The following CRISPLD2 variants were observed in gnomAD, a reference collection of about 807,000 sequenced individuals.
CRISPLD2 encodes the protein cysteine rich secretory protein LCCL domain containing 2.
In CRISPLD2, 47 loss-of-function variants were observed where a neutral mutation model predicts 71.1. That is an observed-to-expected ratio of 0.66 (90% CI 0.52 to 0.84). The LOEUF is 0.84. Among genes scored for constraint, CRISPLD2 ranks in the 40% least tolerant of loss-of-function variants. The pLI is 0.00. For missense variants in CRISPLD2, 830 were observed against 651.1 expected (o/e 1.27, Z -2.99); for synonymous variants, 317 against 250.1 (o/e 1.27, Z -2.52).
At chr16:84,893,543 A>T (rs1197017048) in intron 14 of CRISPLD2, among the ~76,000 whole-genome samples, 1 of 152,214 alleles carries the variant, frequency 6.6e-6, no homozygotes, top group Admixed American at 6.5e-5. Flanking sequence ...AGGGAGCACA[A>T]CAGCAGACCT....
At chr16:84,854,706 G>A (rs776322753) in intron 5 of CRISPLD2, 23 bp from the exon 6 acceptor site, 2 of 1,594,316 alleles carry the variant, frequency 1.3e-6, no homozygotes, top group Middle Eastern at 1.7e-4. Context: ...CCCTCTGACG[G>A]TTGTTTTTGG....
At position 84,866,975 on chromosome 16, in the gene CRISPLD2, T is replaced by A. The variant is rs113926835; in HGVS notation, c.788T>A (p.Val263Asp). 115 of 1,614,090 alleles carry A rather than the reference T, an allele frequency of 7.1e-5. 4 individuals are homozygous for A. In the African/African-American group the frequency reaches 8.4e-4, roughly 12 times the overall value. ...GCTCCCATTCCTGAAGAAAACCATGTTTGGCTCCAACCGAGGGTGATGAGA... is the reference window on the plus strand; with the variant it reads ...GCTCCCATTCCTGAAGAAAACCATGATTGGCTCCAACCGAGGGTGATGAGA... ...ETAPIPEENH[V>D]WLQPRVMRPT... The change falls in exon 7 of 15, where the codon GTT becomes GAT. Residue 263 changes from valine to aspartate, a missense_variant. Physicochemically the swap from Val to Asp is radical, Grantham distance 152. Coordinates refer to ENST00000262424, the MANE Select transcript of CRISPLD2 (RefSeq NM_031476.4).
At chr16:84,822,153 G>C (rs1916244688) in intron 1 of CRISPLD2, among the ~76,000 whole-genome samples, 3 of 152,216 alleles carry the variant, frequency 2.0e-5, no homozygotes, top group Admixed American at 1.3e-4. Flanking sequence ...CTGACCCTGG[G>C]CTTGGGCTCA....
At chr16:84,892,975 CAAAAAAAAAAAAA>C (rs35939092) in intron 14 of CRISPLD2, among the ~76,000 whole-genome samples, 1 of 64,946 alleles carries the variant, frequency 1.5e-5, no homozygotes, top group Non-Finnish European at 3.0e-5. Flanking sequence ...GACTCCATCT[CAAAAAAAAAAAAA>C]AAAAAAAAAA....
intron 14 of CRISPLD2, among the ~76,000 whole-genome samples, chr16:84,901,723 C>T (rs1047351165): frequency 1.3e-5 from 2 of 150,648 alleles, no homozygotes; most frequent in Non-Finnish European, 2.9e-5. Context: ...AGTGATCCAC[C>T]TGCCTCAACC....
chr16:84,889,492 C>CT, intron 14 of CRISPLD2, 129 bp downstream of exon 14: 5 of 870,708 alleles, frequency 5.7e-6, no homozygotes, highest in South Asian at 2.8e-5. Flanking sequence ...GAATTCTTAC[C>CT]AGGACTCCCA....
chr16:84,825,556 G>A (rs531715577), intron 1 of CRISPLD2, among the ~76,000 whole-genome samples: 1 of 152,248 alleles, frequency 6.6e-6, no homozygotes, highest in East Asian at 1.9e-4. Context: ...AGGAGTTCGA[G>A]ACCAGCCTGG....
At chr16:84,882,368 A>AT (rs752909509) in intron 13 of CRISPLD2, among the ~76,000 whole-genome samples, 4 of 119,764 alleles carry the variant, frequency 3.3e-5, no homozygotes, top group South Asian at 2.5e-4. Flanking sequence ...AAAAAAAAAA[A>AT]AAAGCAAGAA....
intron 1 of CRISPLD2, among the ~76,000 whole-genome samples, chr16:84,831,785 A>G (rs1916494634): frequency 6.6e-6 from 1 of 152,160 alleles, no homozygotes; most frequent in Non-Finnish European, 1.5e-5. Flanking sequence ...CCCAGGCGGG[A>G]GTGCAGAGGC....
chr16:84,901,901 C>A (rs1438979775), intron 14 of CRISPLD2, among the ~76,000 whole-genome samples: 3 of 146,074 alleles, frequency 2.1e-5, no homozygotes, highest in African/African-American at 7.7e-5. Flanking sequence ...TCAAATGATT[C>A]TCCTGCCTCA....
intron 5 of CRISPLD2, among the ~76,000 whole-genome samples, chr16:84,853,224 G>A (rs915730047): frequency 1.3e-5 from 2 of 152,212 alleles, no homozygotes; most frequent in African/African-American, 4.8e-5. Flanking sequence ...GGCAGGGGCA[G>A]TGGGACGTAC....
At chr16:84,901,567 A>G (rs1204435757) in intron 14 of CRISPLD2, among the ~76,000 whole-genome samples, 11 of 130,416 alleles carry the variant, frequency 8.4e-5, no homozygotes, top group East Asian at 4.7e-4. Flanking sequence ...CACCTCCTGG[A>G]TTCAAATTAT....
At chr16:84,864,932 C>G (rs1385383539) in intron 6 of CRISPLD2, among the ~76,000 whole-genome samples, 1 of 152,140 alleles carries the variant, frequency 6.6e-6, no homozygotes, top group Non-Finnish European at 1.5e-5. Flanking sequence ...TGGGACAGGA[C>G]CAGCCTGGGG....
chr16:84,870,406 G>A (rs543003575), intron 8 of CRISPLD2, among the ~76,000 whole-genome samples: 2 of 151,212 alleles, frequency 1.3e-5, no homozygotes, highest in Non-Finnish European at 2.9e-5. Context: ...TGCCACCTCT[G>A]CTTCCCGGGT....
At chr16:84,874,632 C>T (rs536640200) in intron 11 of CRISPLD2, among the ~76,000 whole-genome samples, 5 of 152,346 alleles carry the variant, frequency 3.3e-5, no homozygotes, top group African/African-American at 1.2e-4. Flanking sequence ...TGTTTTGGGA[C>T]AGCAACTCTT....
intron 14 of CRISPLD2, among the ~76,000 whole-genome samples, chr16:84,892,912 G>T (rs557644100): frequency 2.7e-4 from 40 of 148,586 alleles, no homozygotes; most frequent in African/African-American, 9.8e-4. Context: ...GGAGGCGGAG[G>T]TTGCACTGAG....
At chr16:84,885,668 T>C (rs2071606361) in intron 13 of CRISPLD2, among the ~76,000 whole-genome samples, 1 of 152,244 alleles carries the variant, frequency 6.6e-6, no homozygotes, top group East Asian at 1.9e-4. Flanking sequence ...GGCCTTCAGT[T>C]ACTCGGTAAA....
In CRISPLD2 at chr16:84,872,447, A is replaced by G. The variant is rs2071479324; in HGVS notation, c.920A>G (p.Gln307Arg). 6.2e-7 allele frequency: 1 copy of G among 1,613,826 alleles called. No individual in the cohort carries two copies. The change falls in exon 9 of 15, where the codon CAG becomes CGG. Residue 307 changes from glutamine to arginine, a missense_variant. Coordinates refer to ENST00000262424, the MANE Select transcript of CRISPLD2 (RefSeq NM_031476.4). ...TTTTATTTCTTCCTCGTCAGGTACC[A>G]GTGCCCAGCAGGCTGCCTGAACCAC... Reference protein sequence around the residue: ...RCKGSTCNRYQCPAGCLNHKA... With the variant: ...RCKGSTCNRYRCPAGCLNHKA...
At chr16:84,879,909 C>T (rs1479787447) in intron 12 of CRISPLD2, among the ~76,000 whole-genome samples, 2 of 152,214 alleles carry the variant, frequency 1.3e-5, no homozygotes, top group Non-Finnish European at 1.5e-5. Context: ...AAAGCCCGTG[C>T]TCTTTCCTGG....
Sources: allele counts gnomAD v4.1 joint callset (sites outside exome capture counted in the v4.1 genomes callset), GRCh38; gene constraint gnomAD v4.1.1; transcripts MANE v1.5; gene names NCBI Gene and HGNC (gene_info 2026-07-23, HGNC 2026-07-21).